Variants in CSNK2A2 observed in about 807,000 individuals in gnomAD.
CSNK2A2 encodes casein kinase 2 alpha 2, also known as casein kinase II subunit alpha'.
CSNK2A2 carries 8 observed loss-of-function variants against 54.0 expected under a neutral mutation model. The observed-to-expected ratio is 0.15, with a 90% confidence interval of 0.09 to 0.27. CSNK2A2 has a LOEUF of 0.27. CSNK2A2 is among the 10% of genes least tolerant of loss of function. The pLI is 1.00. For synonymous variants in CSNK2A2, 141 were observed against 153.9 expected (o/e 0.92, Z 0.62); for missense variants, 242 against 439.4 (o/e 0.55, Z 4.02).
At chr16:58,186,950 C>A (rs899358976) in intron 2 of CSNK2A2, 94 bp from the exon 3 acceptor site, 32 of 926,722 alleles carry the variant, frequency 3.5e-5, no homozygotes, top group Non-Finnish European at 5.2e-5. Context: ...GGATAGTACG[C>A]TATCTTGTAC....
intron 4 of CSNK2A2, 85 bp from the exon 5 acceptor site, chr16:58,174,595 T>C: frequency 1.9e-6 from 2 of 1,055,782 alleles, no homozygotes; most frequent in Non-Finnish European, 2.8e-6. Context: ...CTAAGCTTAT[T>C]TGATACTTAA....
intron 4 of CSNK2A2, among the ~76,000 whole-genome samples, chr16:58,181,571 G>A (rs993848919): frequency 3.9e-5 from 6 of 151,964 alleles, no homozygotes; most frequent in Non-Finnish European, 8.8e-5. Flanking sequence ...TAGAGAAAAA[G>A]TATGAAGGGA....
At chr16:58,180,986 T>A (rs564956819) in intron 4 of CSNK2A2, among the ~76,000 whole-genome samples, 55 of 152,354 alleles carry the variant, frequency 3.6e-4, no homozygotes, top group Middle Eastern at 3.4e-3. Context: ...GAATTTAATT[T>A]TCCTGCCATG....
At chr16:58,163,508 T>TAC (rs146650514) in intron 11 of CSNK2A2, 10,142 of 152,176 alleles carry the variant, frequency 0.067, 406 homozygotes, top group South Asian at 0.2. Flanking sequence ...GGGGATGAGG[T>TAC]ACATTTCCTG....
At chr16:58,173,038 C>A (rs1961781437) in intron 5 of CSNK2A2, among the ~76,000 whole-genome samples, 1 of 152,170 alleles carries the variant, frequency 6.6e-6, no homozygotes, top group Non-Finnish European at 1.5e-5. Context: ...ACTGTGAGAT[C>A]TGAATTGTAG....
At chr16:58,193,469 C>T (rs1332550104) in intron 2 of CSNK2A2, among the ~76,000 whole-genome samples, 1 of 152,138 alleles carries the variant, frequency 6.6e-6, no homozygotes, top group Admixed American at 6.5e-5. Context: ...TAAAATAAGA[C>T]CTCTAAGAGG....
chr16:58,171,306 G>C (rs868718700), intron 5 of CSNK2A2, among the ~76,000 whole-genome samples: 3 of 152,004 alleles, frequency 2.0e-5, no homozygotes, highest in African/African-American at 7.2e-5. Flanking sequence ...GGCAGATCAC[G>C]AGGTCAGGAG....
intron 5 of CSNK2A2, chr16:58,174,235 C>T: frequency 2.1e-6 from 1 of 477,734 alleles, no homozygotes; most frequent in Admixed American, 4.1e-5. Flanking sequence ...GGTATAATGT[C>T]CCTGGTACCC....
At chr16:58,169,802 G>A (rs375523748) in intron 5 of CSNK2A2, among the ~76,000 whole-genome samples, 1 of 151,972 alleles carries the variant, frequency 6.6e-6, no homozygotes, top group East Asian at 1.9e-4. Flanking sequence ...TGTAATCCCA[G>A]AACTTTCGGA....
chr16:58,170,135 G>A (rs979787080), intron 5 of CSNK2A2, among the ~76,000 whole-genome samples: 4 of 150,784 alleles, frequency 2.7e-5, no homozygotes, highest in Admixed American at 2.6e-4. Flanking sequence ...GTATATAATG[G>A]TTTTTCACAA....
chr16:58,196,467 T>C (rs1418686366), intron 2 of CSNK2A2, among the ~76,000 whole-genome samples: 2 of 152,026 alleles, frequency 1.3e-5, no homozygotes, highest in Non-Finnish European at 2.9e-5. Context: ...CAAAAAAATT[T>C]TAAAAATAGC....
chr16:58,159,766 A>C (rs951269697), intron 11 of CSNK2A2: 4 of 152,240 alleles, frequency 2.6e-5, no homozygotes, highest in African/African-American at 9.6e-5. Context: ...AAACAGAAGG[A>C]AACAGAAGGC....
At chr16:58,188,043 G>A (rs144070358) in intron 2 of CSNK2A2, among the ~76,000 whole-genome samples, 1 of 150,204 alleles carries the variant, frequency 6.7e-6, no homozygotes, top group Non-Finnish European at 1.5e-5. Context: ...GTGGGGTGGG[G>A]AAGGGGAGGG....
rs991726667 is a variant in CSNK2A2, at chr16:58,165,812, C to T, written c.828-104G>A. ...AAATCTCAGAATAATGTACTGATTA[C>T]AAGCTTGTTAAATCTCTAACTGGTG... On this transcript the variant is annotated intron_variant, in intron 9 of 11. Transcript: ENST00000262506. 4.8e-6 allele frequency: 6 copies of T among 1,252,582 alleles called. No homozygotes were observed. In the African/African-American group the frequency reaches 7.6e-5, roughly 16 times the overall value. 77.6% of individuals were successfully genotyped at this position (1,252,582 alleles called of 1,614,324 possible).
intron 11 of CSNK2A2, chr16:58,159,540 G>A (rs1961263095): frequency 1.3e-5 from 2 of 152,162 alleles, no homozygotes; most frequent in African/African-American, 4.8e-5. Flanking sequence ...ACAAGTTAAG[G>A]TCCTCATAGC....
chr16:58,166,335 A>G (rs924537001), intron 9 of CSNK2A2, among the ~76,000 whole-genome samples: 1 of 152,194 alleles, frequency 6.6e-6, no homozygotes, highest in Non-Finnish European at 1.5e-5. Context: ...TGTACCAGAA[A>G]ACTTTTTTCT....
At chr16:58,166,545 G>A (rs376595489) in intron 9 of CSNK2A2, 39 bp downstream of exon 9, 56 of 1,391,368 alleles carry the variant, frequency 4.0e-5, no homozygotes, top group Middle Eastern at 1.8e-4. Context: ...CTTCTGAAAC[G>A]GGGTAAGGTA....
rs1301056376 is a variant in CSNK2A2 at position 58,166,575 on chromosome 16, CTT to C, written c.827+7_827+8del. 4 of 1,569,936 alleles carry C rather than the reference CTT, an allele frequency of 2.5e-6. No homozygotes were observed. The highest frequency in any genetic ancestry group is 1.1e-5 in the South Asian group (1 of 90,142). On this transcript the variant is annotated splice_region_variant and intron_variant, in intron 9 of 11. Coordinates refer to ENST00000262506, the MANE Select transcript of CSNK2A2 (RefSeq NM_001896.4). ...AAGGTAAAGCACTCTCTCTCTCTCT[CTT>C]ACTTACTGTCCCAGGATATCGTTGA... is the stretch of plus-strand genomic sequence containing the variant.
chr16:58,176,647 T>C (rs575427409), intron 4 of CSNK2A2, among the ~76,000 whole-genome samples: 1 of 152,246 alleles, frequency 6.6e-6, no homozygotes, highest in African/African-American at 2.4e-5. Context: ...AAGCCCGTGT[T>C]TGCTGCCTCC....
Sources: gnomAD v4.1 joint callset for allele counts (sites outside exome capture counted in the v4.1 genomes callset) on GRCh38, gnomAD v4.1.1 for gene constraint, MANE v1.5 for transcripts, NCBI Gene and HGNC (gene_info 2026-07-23, HGNC 2026-07-21) for gene names.